Variants in DBX2 observed in about 807,000 individuals in gnomAD.
DBX2 encodes homeobox protein DBX2.
DBX2 carries 16 observed loss-of-function variants against 17.7 expected under a neutral mutation model. That is an observed-to-expected ratio of 0.90 (90% CI 0.61 to 1.37). The LOEUF is 1.37. Among genes scored for constraint, DBX2 ranks in the 40% most tolerant of loss-of-function variants. The probability of loss-of-function intolerance (pLI) is 0.00; values close to 1 mark genes in which losing one functional copy is unlikely to be tolerated. For synonymous variants in DBX2, 255 were observed against 183.8 expected (o/e 1.39, Z -3.13); for missense variants, 538 against 433.8 (o/e 1.24, Z -2.13).
At position 45,016,246 on chromosome 12, in the gene DBX2, T is replaced by C. The variant is rs745551404; in HGVS notation, c.*40A>G. 1.4e-5 allele frequency: 22 copies of C among 1,522,706 alleles called. No individual in the cohort carries two copies. Among genetic ancestry groups the C allele is most frequent in the Non-Finnish European group, 1.9e-5 (22 of 1,137,506 alleles). The allele number at this position is 1,522,706 out of a possible 1,614,324, so 94.3% of individuals were successfully genotyped here. On this transcript the variant is annotated 3_prime_UTR_variant, in exon 4 of 4. Transcript: ENST00000332700. ...TGGCATTAGAGTCCAGATGTTACTA[T>C]TAAGCGTTCTTTTAAATGAACACGG...
intron 3 of DBX2, among the ~76,000 whole-genome samples, chr12:45,021,861 A>G (rs1946353992): frequency 7.8e-5 from 3 of 38,496 alleles, no homozygotes; most frequent in South Asian, 5.8e-3. Flanking sequence ...GATACTGTCT[A>G]TATTATTATA....
intron 1 of DBX2, among the ~76,000 whole-genome samples, chr12:45,039,579 T>C (rs1946460490): frequency 6.6e-6 from 1 of 151,874 alleles, no homozygotes; most frequent in Non-Finnish European, 1.5e-5. Flanking sequence ...GTAGGCTCAC[T>C]GAACAATATT....
At chr12:45,037,133 T>G (rs1946445221) in intron 1 of DBX2, among the ~76,000 whole-genome samples, 2 of 152,160 alleles carry the variant, frequency 1.3e-5, no homozygotes. Flanking sequence ...ACATTTTAAG[T>G]TAAACTCTTT....
chr12:45,028,357 T>C (rs1188451027), intron 2 of DBX2, among the ~76,000 whole-genome samples: 1 of 152,218 alleles, frequency 6.6e-6, no homozygotes, highest in African/African-American at 2.4e-5. Flanking sequence ...TTTATGTCTA[T>C]ATACAGAGTC....
intron 2 of DBX2, among the ~76,000 whole-genome samples, chr12:45,029,915 A>AAATAAATAAAT (rs1946400513): frequency 2.1e-5 from 2 of 96,972 alleles, no homozygotes; most frequent in African/African-American, 8.2e-5. Context: ...AATAAATAAA[A>AAATAAATAAAT]ATAAAGAATG....
chr12:45,040,698 A>G (rs79627764), intron 1 of DBX2, among the ~76,000 whole-genome samples: 3,849 of 152,252 alleles, frequency 0.025, 181 homozygotes, highest in African/African-American at 0.087. Context: ...AGCTGACTAG[A>G]TGTTTCTGTG....
chr12:45,045,897 A>G (rs1181276578), intron 1 of DBX2, among the ~76,000 whole-genome samples: 1 of 152,198 alleles, frequency 6.6e-6, no homozygotes, highest in Non-Finnish European at 1.5e-5. Context: ...CCATACATAA[A>G]TTTACAGGCA....
At chr12:45,035,946 CA>C in intron 2 of DBX2, 72 bp downstream of exon 2, 1 of 1,415,108 alleles carries the variant, frequency 7.1e-7, no homozygotes, top group Non-Finnish European at 9.6e-7. Context: ...ATTAGTTTTC[CA>C]GAGCACATTA....
intron 2 of DBX2, among the ~76,000 whole-genome samples, chr12:45,024,341 C>G (rs966584450): frequency 6.6e-6 from 1 of 152,186 alleles, no homozygotes; most frequent in African/African-American, 2.4e-5. Flanking sequence ...AAACCTCTTT[C>G]TTTTATAAAC....
chr12:45,022,416 G>T (rs1168761286), intron 3 of DBX2, among the ~76,000 whole-genome samples: 1 of 138,640 alleles, frequency 7.2e-6, no homozygotes, highest in Non-Finnish European at 1.5e-5. Flanking sequence ...CCATTCTCCT[G>T]CCTCAGCCTC....
intron 2 of DBX2, among the ~76,000 whole-genome samples, chr12:45,031,225 T>A (rs12310149): frequency 0.073 from 6,235 of 85,526 alleles, 291 homozygotes; most frequent in Non-Finnish European, 0.1. Context: ...TGTGTGTGTG[T>A]GAGAGAGAGA....
intron 2 of DBX2, among the ~76,000 whole-genome samples, chr12:45,034,134 A>C (rs533104454): frequency 3.3e-5 from 5 of 151,622 alleles, no homozygotes; most frequent in African/African-American, 4.8e-5. Context: ...ACACCCACAC[A>C]CACACACACG....
chr12:45,021,350 A>G (rs1209696084), intron 3 of DBX2, among the ~76,000 whole-genome samples: 1 of 152,166 alleles, frequency 6.6e-6, no homozygotes, highest in African/African-American at 2.4e-5. Flanking sequence ...AAATAGGAAA[A>G]TAGTTGTTTT....
At chr12:45,017,711 T>C (rs1946330939) in intron 3 of DBX2, among the ~76,000 whole-genome samples, 1 of 152,222 alleles carries the variant, frequency 6.6e-6, no homozygotes, top group African/African-American at 2.4e-5. Flanking sequence ...TTAGTCTTTA[T>C]TACAAACCTC....
chr12:45,048,900 T>C (rs1176198647), intron 1 of DBX2, among the ~76,000 whole-genome samples: 1 of 152,194 alleles, frequency 6.6e-6, no homozygotes, highest in Admixed American at 6.5e-5. Flanking sequence ...ACAACCCTCG[T>C]AATTATTCCA....
chr12:45,043,071 T>C (rs1946480284), intron 1 of DBX2, among the ~76,000 whole-genome samples: 1 of 152,214 alleles, frequency 6.6e-6, no homozygotes, highest in African/African-American at 2.4e-5. Context: ...AGCTCCCGGC[T>C]ATACCACTCT....
chr12:45,040,676 T>C (rs1592758112), intron 1 of DBX2, among the ~76,000 whole-genome samples: 1 of 152,166 alleles, frequency 6.6e-6, no homozygotes, highest in Non-Finnish European at 1.5e-5. Flanking sequence ...CTAGCCTGAT[T>C]TTTTTTAACT....
At chr12:45,043,136 G>A (rs936549502) in intron 1 of DBX2, among the ~76,000 whole-genome samples, 2 of 152,214 alleles carry the variant, frequency 1.3e-5, no homozygotes, top group African/African-American at 4.8e-5. Context: ...CTAGCAGGAA[G>A]TGTATCTGAT....
At chr12:45,040,824 A>C (rs1946467257) in intron 1 of DBX2, among the ~76,000 whole-genome samples, 1 of 152,162 alleles carries the variant, frequency 6.6e-6, no homozygotes, top group African/African-American at 2.4e-5. Flanking sequence ...CTCCTTTAGT[A>C]ATGGAGAAGA....
Sources: allele counts gnomAD v4.1 joint callset (sites outside exome capture counted in the v4.1 genomes callset), GRCh38; gene constraint gnomAD v4.1.1; transcripts MANE v1.5; gene names NCBI Gene and HGNC (gene_info 2026-07-23, HGNC 2026-07-21).